TRDN: variants seen among roughly 807,000 people sequenced by gnomAD.
The protein encoded by TRDN is triadin, also known as triadin in skeletal muscle.
In TRDN, 161 loss-of-function variants were observed where a neutral mutation model predicts 149.7. That is an observed-to-expected ratio of 1.08 (90% CI 0.95 to 1.23). The LOEUF is 1.23. TRDN is among the 50% of genes most tolerant of loss of function. TRDN has a pLI of 0.00. For synonymous variants in TRDN, 294 were observed against 250.5 expected (o/e 1.17, Z -1.64); for missense variants, 896 against 823.5 (o/e 1.09, Z -1.08).
intron 38 of TRDN, among the ~76,000 whole-genome samples, chr6:123,226,092 T>A (rs1023933027): frequency 5.3e-5 from 8 of 151,508 alleles, no homozygotes; most frequent in Admixed American, 6.6e-5. Context: ...ATTACTAGAA[T>A]TTTTTTTACT....
At chr6:123,552,888 T>C (rs1781467260) in intron 2 of TRDN, among the ~76,000 whole-genome samples, 1 of 152,150 alleles carries the variant, frequency 6.6e-6, no homozygotes, top group Non-Finnish European at 1.5e-5. Flanking sequence ...AATCAAGACC[T>C]CAACTTTCCA....
chr6:123,329,237 T>C (rs927714341), intron 23 of TRDN, among the ~76,000 whole-genome samples: 1 of 152,174 alleles, frequency 6.6e-6, no homozygotes. Context: ...AACATGGTTC[T>C]ACCTTTACTC....
chr6:123,268,568 A>T (rs907458759), intron 31 of TRDN, among the ~76,000 whole-genome samples: 9 of 151,932 alleles, frequency 5.9e-5, no homozygotes, highest in Non-Finnish European at 1.0e-4. Flanking sequence ...AGTTCTTCTG[A>T]GCTGTTCTTG....
intron 9 of TRDN, among the ~76,000 whole-genome samples, chr6:123,474,600 AC>A (rs1185043965): frequency 6.6e-6 from 1 of 152,122 alleles, no homozygotes; most frequent in Non-Finnish European, 1.5e-5. Flanking sequence ...AGAACTCTCC[AC>A]CCCAAATCAA....
intron 1 of TRDN, among the ~76,000 whole-genome samples, chr6:123,631,359 T>G (rs1387089088): frequency 6.6e-6 from 1 of 152,014 alleles, no homozygotes; most frequent in Non-Finnish European, 1.5e-5. Flanking sequence ...GCTTTCAAAT[T>G]GTTCTCAGGT....
At chr6:123,408,883 T>C (rs2114506910) in intron 12 of TRDN, among the ~76,000 whole-genome samples, 1 of 152,264 alleles carries the variant, frequency 6.6e-6, no homozygotes. Flanking sequence ...CTAGTCCAGA[T>C]AGATGCTCTT....
intron 1 of TRDN, among the ~76,000 whole-genome samples, chr6:123,585,621 C>G (rs573242553): frequency 1.3e-5 from 2 of 152,256 alleles, no homozygotes; most frequent in South Asian, 2.1e-4. Context: ...TCCAGGGGCT[C>G]TGGGAGTGGC....
At chr6:123,295,199 T>C (rs75581104) in intron 24 of TRDN, among the ~76,000 whole-genome samples, 1 of 152,238 alleles carries the variant, frequency 6.6e-6, no homozygotes, top group East Asian at 1.9e-4. Flanking sequence ...CCCCCTTCCA[T>C]GTGACTCAGT....
chr6:123,507,992 T>TA (rs61001808), intron 7 of TRDN, among the ~76,000 whole-genome samples: 386 of 149,968 alleles, frequency 2.6e-3, no homozygotes, highest in African/African-American at 6.7e-3. Flanking sequence ...TTCTTTGCGT[T>TA]AAAAAAAAAG....
Position 123,309,127 on chromosome 6 carries a change from T to C in TRDN, c.1510+7330A>G, listed in dbSNP as rs77781511. Among the ~76,000 whole-genome samples the C allele has an allele frequency of 3.3e-5, 5 of 152,126 alleles. No homozygotes were observed. The East Asian group carries it at 9.7e-4, about 29-fold the overall frequency. On this transcript the variant is annotated intron_variant, in intron 24 of 40. Coordinates refer to ENST00000334268, the MANE Select transcript of TRDN (RefSeq NM_006073.4). ...AATTTATTTCTATAGAATTTCACTC[T>C]ACATGCCATTATGACTAACAATTCC...
chr6:123,267,786 T>C, intron 31 of TRDN, 35 bp from the exon 32 acceptor site: 1 of 1,512,058 alleles, frequency 6.6e-7, no homozygotes, highest in Non-Finnish European at 8.9e-7. Flanking sequence ...TGGCAATCTG[T>C]GGATTCTTTG....
chr6:123,611,669 A>G (rs1178454466), intron 1 of TRDN, among the ~76,000 whole-genome samples: 1 of 152,192 alleles, frequency 6.6e-6, no homozygotes, highest in Non-Finnish European at 1.5e-5. Context: ...GAAAACATGG[A>G]TAAGTCACAT....
chr6:123,633,930 CAT>C (rs1356354044), intron 1 of TRDN, among the ~76,000 whole-genome samples: 1 of 151,956 alleles, frequency 6.6e-6, no homozygotes, highest in African/African-American at 2.4e-5. Flanking sequence ...ATGAGACAGT[CAT>C]ATAATCTGTA....
intron 38 of TRDN, among the ~76,000 whole-genome samples, chr6:123,233,472 T>C (rs1775681765): frequency 6.6e-6 from 1 of 152,114 alleles, no homozygotes; most frequent in Non-Finnish European, 1.5e-5. Flanking sequence ...TTTCTTAGTG[T>C]CTGTCCCATC....
At chr6:123,260,180 AG>A (rs1388104006) in intron 34 of TRDN, among the ~76,000 whole-genome samples, 1 of 152,030 alleles carries the variant, frequency 6.6e-6, no homozygotes, top group African/African-American at 2.4e-5. Flanking sequence ...TAGAAACAAT[AG>A]GAAAAAAAAC....
At chr6:123,383,917 G>T (rs7752950) in intron 14 of TRDN, among the ~76,000 whole-genome samples, 134,179 of 152,134 alleles carry the variant, frequency 0.88, 59,310 homozygotes, top group African/African-American at 0.93. Flanking sequence ...CATTTGCTTA[G>T]TCATCATTTG....
chr6:123,578,555 T>A (rs1259662912), intron 1 of TRDN, among the ~76,000 whole-genome samples: 1 of 152,202 alleles, frequency 6.6e-6, no homozygotes, highest in Non-Finnish European at 1.5e-5. Context: ...TCGCTCACTG[T>A]AGCCCTGTAG....
At position 123,466,055 on chromosome 6, in the gene TRDN, T is replaced by C. The variant is rs1011095935; in HGVS notation, c.854-1072A>G. Among the ~76,000 whole-genome samples, 10 of 152,342 alleles carry C rather than the reference T, an allele frequency of 6.6e-5. No homozygotes were observed. The East Asian group carries it at 1.9e-3, about 29-fold the overall frequency. On this transcript the variant is annotated intron_variant, in intron 9 of 40. Coordinates refer to ENST00000334268, the MANE Select transcript of TRDN (RefSeq NM_006073.4). ...ATGGTTCTTGTAGCTGTTACACCCA[T>C]ACAGGTTGATTACTGAGCATGTTTA...
At chr6:123,534,156 T>C (rs759752704) in intron 4 of TRDN, among the ~76,000 whole-genome samples, 1 of 152,112 alleles carries the variant, frequency 6.6e-6, no homozygotes, top group Non-Finnish European at 1.5e-5. Flanking sequence ...CAATAAAGTA[T>C]ACAAACTTAC....
Sources: gnomAD v4.1 joint callset for allele counts (sites outside exome capture counted in the v4.1 genomes callset) on GRCh38, gnomAD v4.1.1 for gene constraint, MANE v1.5 for transcripts, NCBI Gene and HGNC (gene_info 2026-07-23, HGNC 2026-07-21) for gene names.